The following MORC3 variants were observed in gnomAD, a reference collection of about 807,000 sequenced individuals.
MORC3 encodes MORC family CW-type zinc finger 3.
MORC3 carries 31 observed loss-of-function variants against 109.1 expected under a neutral mutation model. The ratio of observed to expected loss-of-function variants is 0.28; its 90% confidence interval spans 0.21 to 0.38. The LOEUF (loss-of-function observed/expected upper bound fraction) is 0.38, where lower values mean the gene tolerates loss of function less well. MORC3 is among the 10% of genes least tolerant of loss of function. The pLI is 1.00. For missense variants in MORC3, 867 were observed against 1,135.8 expected, an observed-to-expected ratio of 0.76 and a Z score of 3.40; for synonymous variants, 395 against 380.7, an observed-to-expected ratio of 1.04 and a Z score of -0.44.
At chr21:36,331,637 T>C (rs1229905219) in intron 1 of MORC3, among the ~76,000 whole-genome samples, 1 of 151,826 alleles carries the variant, frequency 6.6e-6, no homozygotes, top group Non-Finnish European at 1.5e-5. Context: ...ACTACTTGTG[T>C]GTTTTTATAC....
intron 1 of MORC3, among the ~76,000 whole-genome samples, chr21:36,321,281 A>G (rs151285757): frequency 1.3e-3 from 202 of 152,232 alleles, no homozygotes; most frequent in Non-Finnish European, 2.4e-3. Flanking sequence ...GTGAAATGAT[A>G]TTTGCTTTTA....
chr21:36,365,070 A>C (rs901051310), intron 14 of MORC3, among the ~76,000 whole-genome samples: 37 of 151,260 alleles, frequency 2.4e-4, no homozygotes, highest in Admixed American at 7.3e-4. Flanking sequence ...AAAAAAAAAA[A>C]CATGAAGCAA....
Position 36,320,229 on chromosome 21 carries a change from G to T in MORC3, c.-36G>T. 1 of 1,570,282 alleles carries T rather than the reference G, an allele frequency of 6.4e-7. No individual in the cohort carries two copies. Among genetic ancestry groups the T allele is most frequent in the South Asian group, 1.2e-5 (1 of 86,072 alleles). On this transcript the variant is annotated 5_prime_UTR_variant, in exon 1 of 17. Coordinates refer to ENST00000400485, the MANE Select transcript of MORC3 (RefSeq NM_015358.3). The stretch of plus-strand genomic sequence containing the variant: ...TTCCGCCACCTCCCAGTCGGGTTGC[G>T]GCGGAGGCCGTTCCTGGCTTTGTAG...
rs1016208720 is a variant in MORC3 at position 36,337,999 on chromosome 21, G to C, written c.460+53G>C. The C allele has an allele frequency of 1.9e-6, 3 of 1,574,832 alleles. No homozygotes were observed. In the African/African-American group the frequency reaches 4.1e-5, roughly 21 times the overall value. ...TGTGGAGAAACTGAAGAAATAATTT[G>C]GAAACATTCTATGTTTTTGCCTTCT... On this transcript the variant is annotated intron_variant, in intron 4 of 16. Coordinates refer to ENST00000400485, the MANE Select transcript of MORC3 (RefSeq NM_015358.3).
chr21:36,358,352 T>A (rs1462528738), intron 10 of MORC3, among the ~76,000 whole-genome samples: 1 of 151,980 alleles, frequency 6.6e-6, no homozygotes, highest in Non-Finnish European at 1.5e-5. Flanking sequence ...ACCATTGCAC[T>A]CCAGCCTGGG....
In MORC3 at chr21:36,345,196, ACTCCC is replaced by A. The variant is rs147413549; in HGVS notation, c.1005+181_1005+185del. On this transcript the variant is annotated intron_variant, in intron 8 of 16. Coordinates refer to ENST00000400485, the MANE Select transcript of MORC3 (RefSeq NM_015358.3). Reference sequence around the variant, plus strand: ...CACTGTGGTATTTGAACTTTTATTAACTCCCCTCCCCTCCCCTCCCTTCCCCTCCC... The same window carrying A: ...CACTGTGGTATTTGAACTTTTATTAACTCCCCTCCCCTCCCTTCCCCTCCC... Among the ~76,000 whole-genome samples, 879 of 147,270 alleles carry A rather than the reference ACTCCC, an allele frequency of 6.0e-3. 9 individuals carry two copies. Among genetic ancestry groups the A allele is most frequent in the African/African-American group, 0.021 (844 of 39,746 alleles).
chr21:36,343,522 C>T (rs1254969343), intron 6 of MORC3, among the ~76,000 whole-genome samples: 1 of 150,204 alleles, frequency 6.7e-6, no homozygotes, highest in Admixed American at 6.7e-5. Context: ...GATCTCGGCT[C>T]ACCACAACCT....
intron 1 of MORC3, among the ~76,000 whole-genome samples, chr21:36,330,318 A>C (rs1257166748): frequency 6.6e-6 from 1 of 152,032 alleles, no homozygotes; most frequent in African/African-American, 2.4e-5. Flanking sequence ...GCGTAGTAAA[A>C]CTTTGGTCTC....
In MORC3 at chr21:36,369,848, G is replaced by T; in HGVS notation, c.2480G>T (p.Ser827Ile). The change falls in exon 15 of 17, where the codon AGT becomes ATT. Residue 827 changes from serine to isoleucine, a missense_variant. By Grantham distance (142) the Ser-to-Ile change is moderately radical. Around this residue, in one of 7 missense-constraint regions of MORC3, gnomAD observed 486 missense variants for 502.1 expected, o/e 0.97. Coordinates refer to ENST00000400485, the MANE Select transcript of MORC3 (RefSeq NM_015358.3). ...GTGTTTAGACAACTGGACAAATGCAGTATTGAGAGGGACCAGTATAAAAGT... is the reference window on the plus strand; with the variant it reads ...GTGTTTAGACAACTGGACAAATGCATTATTGAGAGGGACCAGTATAAAAGT... ...DDVFRQLDKC[S>I]IERDQYKSEV... 6.2e-7 allele frequency: 1 copy of T among 1,613,134 alleles called. No homozygotes were observed. Among genetic ancestry groups the T allele is most frequent in the Non-Finnish European group, 8.5e-7 (1 of 1,180,014 alleles).
At position 36,372,470 on chromosome 21, in the gene MORC3, G is replaced by C. The variant is rs1443727317; in HGVS notation, c.2605G>C (p.Ala869Pro). ...EQLKSTNQQT[A>P]TDVSTSSNIE... ...GTTAAAATCTACAAATCAACAGACG[G>C]CAACAGATGTTTCAACATCAAGTAA... Residue 869 changes from alanine (A) to proline (P), a missense_variant, in exon 16 of 17, where the codon GCA becomes CCA. Physicochemically the swap from Ala to Pro is conservative, Grantham distance 27. Around this residue, in one of 7 missense-constraint regions of MORC3, gnomAD observed 486 missense variants for 502.1 expected, o/e 0.97. Coordinates refer to ENST00000400485, the MANE Select transcript of MORC3 (RefSeq NM_015358.3). The C allele has an allele frequency of 6.2e-7, 1 of 1,609,122 alleles. No individual in the cohort carries two copies. The highest frequency in any genetic ancestry group is 1.7e-5 in the Admixed American group (1 of 58,070).
chr21:36,368,915 A>G, intron 14 of MORC3, 73 bp from the exon 15 acceptor site: 3 of 1,329,072 alleles, frequency 2.3e-6, no homozygotes, highest in Non-Finnish European at 3.0e-6. Context: ...CATTTGTTAG[A>G]ATGATTACTT....
chr21:36,340,839 A>G (rs888440615), intron 5 of MORC3, among the ~76,000 whole-genome samples: 5 of 151,868 alleles, frequency 3.3e-5, no homozygotes, highest in Non-Finnish European at 7.4e-5. Flanking sequence ...GTTTTGCCAT[A>G]TTGACCAGGC....
intron 2 of MORC3, among the ~76,000 whole-genome samples, chr21:36,334,210 G>A (rs1237791070): frequency 6.6e-6 from 1 of 152,052 alleles, no homozygotes; most frequent in African/African-American, 2.4e-5. Flanking sequence ...AGCCGTGATT[G>A]TGCCATTGCA....
chr21:36,323,988 G>A (rs895723011), intron 1 of MORC3, among the ~76,000 whole-genome samples: 1 of 151,754 alleles, frequency 6.6e-6, no homozygotes, highest in African/African-American at 2.4e-5. Context: ...CGATTCTCCC[G>A]CCTCAGCCTC....
intron 12 of MORC3, chr21:36,360,755 G>A: frequency 6.0e-6 from 1 of 165,756 alleles, no homozygotes; most frequent in Non-Finnish European, 1.3e-5. Flanking sequence ...CGATGAGAAT[G>A]TACAGGGAAT....
rs534262709 is a variant in MORC3 at position 36,346,238 on chromosome 21, CA to C, written c.1005+1210del. 2.3e-3 allele frequency among the ~76,000 whole-genome samples: 355 copies of C among 152,318 alleles called. 2 individuals are homozygous for C. Among genetic ancestry groups the C allele is most frequent in the African/African-American group, 7.9e-3 (328 of 41,572 alleles). On this transcript the variant is annotated intron_variant, in intron 8 of 16. Transcript: ENST00000400485. ...TTTACCATGTTGACCAGGCTGGCCT[CA>C]AACTCCTGAACTCAAGTGATCCACC...
At chr21:36,342,460 C>T (rs141286441) in intron 6 of MORC3, among the ~76,000 whole-genome samples, 3,857 of 151,890 alleles carry the variant, frequency 0.025, 149 homozygotes, top group African/African-American at 0.085. Flanking sequence ...TGGAGTGCAG[C>T]GGTGAGATCT....
rs758632944 is a variant in MORC3, at chr21:36,337,865, G to A, written c.379G>A (p.Val127Met). 71 of 1,614,074 alleles carry A rather than the reference G, an allele frequency of 4.4e-5. No homozygotes were observed. In the East Asian group the frequency reaches 6.7e-4, roughly 15 times the overall value. ...TACCAAAAATGGAGAAAGCATGAGC[G>A]TGGGCCTTTTGTCTCAGACCTACTT... ...VFTKNGESMS[V>M]GLLSQTYLEV... Residue 127 changes from valine (V) to methionine (M), a missense_variant, in exon 4 of 17, where the codon GTG becomes ATG. This residue lies in a region of MORC3 where 134 missense variants were observed against 166.6 expected (regional missense o/e 0.80). Transcript: ENST00000400485.
At chr21:36,342,376 T>C (rs1441021395) in intron 6 of MORC3, among the ~76,000 whole-genome samples, 2 of 152,178 alleles carry the variant, frequency 1.3e-5, no homozygotes, top group Non-Finnish European at 2.9e-5. Flanking sequence ...ATTTTCCCTT[T>C]AGAAATGAGG....
Sources: gnomAD v4.1 joint callset for allele counts (sites outside exome capture counted in the v4.1 genomes callset) on GRCh38, gnomAD v4.1.1 for gene constraint, gnomAD v4.1.1 regional missense constraint, MANE v1.5 for transcripts, NCBI Gene and HGNC (gene_info 2026-07-23, HGNC 2026-07-21) for gene names.